Variants in SLC35D1 observed in about 807,000 individuals in gnomAD.
SLC35D1 encodes nucleotide sugar transporter SLC35D1.
A neutral mutation model predicts 46.7 loss-of-function variants in SLC35D1; 31 were observed. The ratio of observed to expected loss-of-function variants is 0.66; its 90% CI spans 0.50 to 0.90. SLC35D1 has a LOEUF of 0.90. Among genes scored for constraint, SLC35D1 ranks in the 40% least tolerant of loss-of-function variants. The pLI, the probability that SLC35D1 is intolerant of heterozygous loss-of-function variation, is 0.00. For missense variants in SLC35D1, 397 were observed against 426.2 expected (o/e 0.93, Z 0.60); for synonymous variants, 195 against 164.6 (o/e 1.18, Z -1.41).
At position 67,002,441 on chromosome 1, in the gene SLC35D1, G is replaced by C. The variant is rs2065000; in HGVS notation, c.*1899C>G. On this transcript the variant is annotated 3_prime_UTR_variant, in exon 12 of 12. Transcript: ENST00000235345. ...CAGCATAGTTCAATAAAAAGGACAT[G>C]GGTTTGATGTATTAGCAAGTCATCT... The C allele has an allele frequency of 0.22, 34,237 of 152,248 alleles. 4,130 individuals are homozygous for C. The highest frequency in any genetic ancestry group is 0.26 in the Non-Finnish European group (17,366 of 67,994). 9.4% of individuals were successfully genotyped at this position (152,248 alleles called of 1,614,324 possible). A position where few individuals can be genotyped will look rare whatever the true frequency, so the allele number is the denominator to read the frequency against.
At chr1:67,050,340 G>A in intron 5 of SLC35D1, 93 bp downstream of exon 5, 1 of 969,554 alleles carries the variant, frequency 1.0e-6, no homozygotes, top group Non-Finnish European at 1.6e-6. Flanking sequence ...CAAAAGGTAA[G>A]GTAGGAACAA....
chr1:67,015,228 C>A (rs12077288), intron 10 of SLC35D1, among the ~76,000 whole-genome samples: 27,610 of 106,692 alleles, frequency 0.26, 4,677 homozygotes, highest in African/African-American at 0.53. Flanking sequence ...ATTAAAAAAA[C>A]AAAAATAAAA....
intron 8 of SLC35D1, among the ~76,000 whole-genome samples, chr1:67,022,471 C>A (rs1315193600): frequency 6.6e-6 from 1 of 152,204 alleles, no homozygotes; most frequent in Non-Finnish European, 1.5e-5. Flanking sequence ...GACTCCTGTT[C>A]AGCCATCAAA....
chr1:66,985,284 T>C, the SLC35D1 span: 1 of 984,226 alleles, frequency 1.0e-6, no homozygotes, highest in East Asian at 1.1e-4. Context: ...CTTAGTTTGA[T>C]GGATGAATGG....
intron 7 of SLC35D1, among the ~76,000 whole-genome samples, chr1:67,043,631 C>T (rs1470059349): frequency 6.6e-6 from 1 of 152,126 alleles, no homozygotes; most frequent in Non-Finnish European, 1.5e-5. Flanking sequence ...TAGACCAATA[C>T]CAACAGACAG....
At chr1:66,991,522 T>C in the SLC35D1 span, among the ~76,000 whole-genome samples, 594 of 152,356 alleles carry the variant, frequency 3.9e-3, 5 homozygotes, top group African/African-American at 0.014. Context: ...TTAGGAAGTG[T>C]TTCTGAACCA....
intron 10 of SLC35D1, among the ~76,000 whole-genome samples, chr1:67,015,668 C>T (rs896469106): frequency 3.9e-5 from 6 of 152,086 alleles, no homozygotes; most frequent in Non-Finnish European, 5.9e-5. Context: ...GGATTACAGA[C>T]GTGAGCCACC....
At chr1:67,027,525 C>T (rs1444766004) in intron 8 of SLC35D1, among the ~76,000 whole-genome samples, 3 of 152,140 alleles carry the variant, frequency 2.0e-5, no homozygotes, top group Non-Finnish European at 4.4e-5. Context: ...CTTCCTACCT[C>T]AGGCTCCCAA....
intron 8 of SLC35D1, among the ~76,000 whole-genome samples, chr1:67,032,779 T>A (rs1668043756): frequency 6.6e-6 from 1 of 152,128 alleles, no homozygotes; most frequent in South Asian, 2.1e-4. Flanking sequence ...CCAATTATAC[T>A]CTTTTAGCTA....
chr1:67,016,299 A>T (rs1330488459), intron 10 of SLC35D1, among the ~76,000 whole-genome samples: 1 of 152,104 alleles, frequency 6.6e-6, no homozygotes, highest in Non-Finnish European at 1.5e-5. Context: ...ATTGACAATC[A>T]TTGTTTTACT....
In SLC35D1 at chr1:67,000,237, T is replaced by C. The variant is rs1367210881; in HGVS notation, c.*4103A>G. The C allele has an allele frequency of 6.6e-6, 1 of 151,288 alleles. No homozygotes were observed. The highest frequency in any genetic ancestry group is 1.5e-5 in the Non-Finnish European group (1 of 67,918). 9.4% of individuals were successfully genotyped at this position (151,288 alleles called of 1,614,324 possible). On this transcript the variant is annotated 3_prime_UTR_variant, in exon 12 of 12. Coordinates refer to ENST00000235345, the MANE Select transcript of SLC35D1 (RefSeq NM_015139.3). ...TTGAGACTGTGGTGAGCTGCTATGA[T>C]TACGCCATTACACTCCAGCCTGGCT...
chr1:67,017,563 T>C (rs1285630707), intron 10 of SLC35D1, among the ~76,000 whole-genome samples: 1 of 152,142 alleles, frequency 6.6e-6, no homozygotes, highest in Non-Finnish European at 1.5e-5. Context: ...CCTACTGATG[T>C]ATAGAATACT....
chr1:66,986,403 G>A, the SLC35D1 span: 34 of 1,612,238 alleles, frequency 2.1e-5, no homozygotes, highest in Non-Finnish European at 2.8e-5. Flanking sequence ...TCTCACACAG[G>A]CATACTCCAA....
the SLC35D1 span, among the ~76,000 whole-genome samples, chr1:66,992,762 A>G: frequency 1.3e-5 from 2 of 152,216 alleles, no homozygotes; most frequent in Non-Finnish European, 2.9e-5. Flanking sequence ...AGATGGCAGC[A>G]CCCTTTGGGT....
chr1:66,987,916 T>C, the SLC35D1 span: 1 of 149,374 alleles, frequency 6.7e-6, no homozygotes, highest in Non-Finnish European at 1.5e-5. Context: ...AGACCTCCAT[T>C]CACTCTGTTT....
chr1:66,991,638 CCTT>C, the SLC35D1 span, among the ~76,000 whole-genome samples: 1 of 152,202 alleles, frequency 6.6e-6, no homozygotes, highest in Non-Finnish European at 1.5e-5. Flanking sequence ...GTTTATTAGT[CCTT>C]CTAACTATTC....
At chr1:67,026,756 A>G (rs1407329150) in intron 8 of SLC35D1, among the ~76,000 whole-genome samples, 1 of 152,196 alleles carries the variant, frequency 6.6e-6, no homozygotes, top group Non-Finnish European at 1.5e-5. Context: ...GAGACTGGGT[A>G]ATTTATAAAA....
At chr1:67,009,989 G>C (rs1570608290) in intron 10 of SLC35D1, among the ~76,000 whole-genome samples, 1 of 152,274 alleles carries the variant, frequency 6.6e-6, no homozygotes, top group East Asian at 1.9e-4. Flanking sequence ...ATACATCATG[G>C]AATACAATGC....
chr1:67,019,822 T>A lies in SLC35D1; in HGVS notation c.876+547A>T, dbSNP rs149687580. 8.5e-4 allele frequency among the ~76,000 whole-genome samples: 129 copies of A among 152,332 alleles called. 2 individuals carry two copies. In the East Asian group the frequency reaches 0.024, roughly 28 times the overall value. On this transcript the variant is annotated intron_variant, in intron 10 of 11. Transcript: ENST00000235345. Reference sequence around the variant, plus strand: ...CAAGCCACCAACTTTAGCTCAATATTCAAGTCAACTTGGCTCTCCTGGCTG... The same window carrying A: ...CAAGCCACCAACTTTAGCTCAATATACAAGTCAACTTGGCTCTCCTGGCTG...
Sources: gnomAD v4.1 joint callset for allele counts (sites outside exome capture counted in the v4.1 genomes callset) on GRCh38, gnomAD v4.1.1 for gene constraint, MANE v1.5 for transcripts, NCBI Gene and HGNC (gene_info 2026-07-23, HGNC 2026-07-21) for gene names.